The following TLR1 variants were observed in gnomAD, a reference collection of about 807,000 sequenced individuals.
TLR1 encodes the protein toll-like receptor 1.
TLR1 carries 19 observed loss-of-function variants against 20.2 expected under a neutral mutation model. That is an observed-to-expected ratio of 0.94 (90% CI 0.66 to 1.38). The LOEUF is 1.38. TLR1 is among the 40% of genes most tolerant of loss of function. TLR1 has a pLI of 0.00. For missense variants in TLR1, 921 were observed against 910.0 expected (o/e 1.01, Z -0.16); for synonymous variants, 320 against 334.5 (o/e 0.96, Z 0.47).
chr4:38,788,308 G>A (rs1725650428), downstream of TLR1, among the ~76,000 whole-genome samples: 1 of 152,130 alleles, frequency 6.6e-6, no homozygotes, highest in East Asian at 1.9e-4. Context: ...GCTAAACAAG[G>A]GAGCGGTAAA....
intron 3 of TLR1, among the ~76,000 whole-genome samples, chr4:38,799,926 G>C (rs1726516936): frequency 6.6e-6 from 1 of 152,150 alleles, no homozygotes; most frequent in African/African-American, 2.4e-5. Flanking sequence ...TTCTCAAGGA[G>C]TTTTTATCTA....
downstream of TLR1, among the ~76,000 whole-genome samples, chr4:38,792,830 C>G (rs1725788365): frequency 8.1e-6 from 1 of 123,232 alleles, no homozygotes; most frequent in South Asian, 2.6e-4. Context: ...ACTGACAGAT[C>G]AAAGAGCATG....
In TLR1 at chr4:38,798,014, A is replaced by T; in HGVS notation, c.818T>A (p.Val273Glu). 1 of 1,614,202 alleles carries T rather than the reference A, an allele frequency of 6.2e-7. No individual in the cohort carries two copies. The highest frequency in any genetic ancestry group is 8.5e-7 in the Non-Finnish European group (1 of 1,180,022). Residue 273 changes from valine (V) to glutamate (E), a missense_variant, in exon 4 of 4, where the codon GTA (valine) becomes GAA (glutamate). Coordinates refer to ENST00000308979, the MANE Select transcript of TLR1 (RefSeq NM_003263.4). The part of the protein sequence containing the change: ...RILQLVWHTT[V>E]WYFSISNVKL... Reference sequence around the variant, plus strand: ...CACGTTTGAAATTGAGAAATACCATACAGTTGTATGCCAAACCAGCTGGAG... The same window carrying T: ...CACGTTTGAAATTGAGAAATACCATTCAGTTGTATGCCAAACCAGCTGGAG...
chr4:38,804,518 A>G (rs1451024447), intron 1 of TLR1, 136 bp from the exon 2 acceptor site: 1 of 152,238 alleles, frequency 6.6e-6, no homozygotes, highest in Non-Finnish European at 1.5e-5. Flanking sequence ...AATATTTCCT[A>G]TAAGCAAATC....
Position 38,801,581 on chromosome 4 carries a change from G to T in TLR1, c.-159-633C>A, listed in dbSNP as rs5743590. 8.7e-3 allele frequency among the ~76,000 whole-genome samples: 1,320 copies of T among 152,264 alleles called. 16 individuals are homozygous for T. Among genetic ancestry groups the T allele is most frequent in the African/African-American group, 0.03 (1,240 of 41,524 alleles). On this transcript the variant is annotated intron_variant, in intron 2 of 3. Coordinates refer to ENST00000308979, the MANE Select transcript of TLR1 (RefSeq NM_003263.4). Reference sequence around the variant, plus strand: ...TTCCTATGCCTGAATCCAGATCAAGGCTCTTTCCACCTCCTAGCCAACTCC... The same window carrying T: ...TTCCTATGCCTGAATCCAGATCAAGTCTCTTTCCACCTCCTAGCCAACTCC...
At chr4:38,802,198 AAAAC>A (rs758588564) in intron 2 of TLR1, among the ~76,000 whole-genome samples, 6 of 152,284 alleles carry the variant, frequency 3.9e-5, no homozygotes, top group East Asian at 1.9e-4. Context: ...CTCTGTCTCA[AAAAC>A]AAACAAACAA....
Position 38,796,765 on chromosome 4 carries a change from C to T in TLR1, c.2067G>A (p.Lys689=). The part of the protein sequence containing the change: ...IVENIITCIE[K]SYKSIFVLSP... ...ACAAAACAAAGATGGACTTGTAACT[C>T]TTCTCAATGCAGGTGATGATATTTT... The change falls in exon 4 of 4, where the codon AAG becomes AAA. Residue 689 remains lysine, a synonymous_variant. Coordinates refer to ENST00000308979, the MANE Select transcript of TLR1 (RefSeq NM_003263.4). 2 of 1,614,178 alleles carry T rather than the reference C, an allele frequency of 1.2e-6. No homozygotes were observed. Among genetic ancestry groups the T allele is most frequent in the African/African-American group, 1.3e-5 (1 of 75,060 alleles).
chr4:38,797,068 G>A lies in TLR1; in HGVS notation c.1764C>T (p.Ala588=), dbSNP rs375868027. 1.6e-4 allele frequency: 254 copies of A among 1,614,090 alleles called. No individual in the cohort carries two copies. The highest frequency in any genetic ancestry group is 1.9e-4 in the Non-Finnish European group (222 of 1,180,048). Residue 588 remains alanine (A), a synonymous_variant, in exon 4 of 4, where the codon GCC becomes GCT. Coordinates refer to ENST00000308979, the MANE Select transcript of TLR1 (RefSeq NM_003263.4). Reference sequence around the variant, plus strand: ...CAGTCACAGCCAACACCAGCATGGTGGCAACGATGGTGACGATCAGCAGAG... The same window carrying A: ...CAGTCACAGCCAACACCAGCATGGTAGCAACGATGGTGACGATCAGCAGAG... ...NITLLIVTIV[A]TMLVLAVTVT...
rs200088165 is a variant in TLR1, at chr4:38,796,970, C to A, written c.1862G>T (p.Arg621Leu). 3 of 1,614,134 alleles carry A rather than the reference C, an allele frequency of 1.9e-6. No homozygotes were observed. Among genetic ancestry groups the A allele is most frequent in the Admixed American group, 1.7e-5 (1 of 60,010 alleles). ...TTCTAAGGGTATGTTCCTGGCCCTG[C>A]GCCGGGTCTGGGTCCACTGGCACAC... is the stretch of plus-strand genomic sequence containing the variant. ...RMVCQWTQTRRRARNIPLEEL... is the reference protein window; with the variant it reads ...RMVCQWTQTRLRARNIPLEEL... The change falls in exon 4 of 4, where the codon CGC becomes CTC. Residue 621 changes from arginine to leucine, a missense_variant. Transcript: ENST00000308979.
chr4:38,791,908 A>G (rs1296543259), downstream of TLR1, among the ~76,000 whole-genome samples: 1 of 152,198 alleles, frequency 6.6e-6, no homozygotes, highest in East Asian at 1.9e-4. Flanking sequence ...ACCCAAAGTC[A>G]CTAGAAGAAG....
downstream of TLR1, chr4:38,796,113 C>A: frequency 4.7e-6 from 1 of 213,876 alleles, no homozygotes; most frequent in Non-Finnish European, 9.5e-6. Context: ...TATACAAACC[C>A]AGCTATATTC....
rs777859029 is a variant in TLR1, at chr4:38,798,634, T to C, written c.198A>G (p.Leu66=). 3.1e-6 allele frequency: 5 copies of C among 1,613,810 alleles called. No individual in the cohort carries two copies. The highest frequency in any genetic ancestry group is 4.2e-6 in the Non-Finnish European group (5 of 1,179,758). Residue 66 remains leucine (L), a synonymous_variant, in exon 4 of 4, where the codon TTA becomes TTG. Coordinates refer to ENST00000308979, the MANE Select transcript of TLR1 (RefSeq NM_003263.4). The part of the protein sequence containing the change: ...YISELWTSDI[L]SLSKLRILII... ...TCAAAATCCTCAGTTTTGACAGTGA[T>C]AAGATGTCAGAAGTCCAAAGCTCAG...
At chr4:38,793,328 A>T (rs1579194437), downstream of TLR1, among the ~76,000 whole-genome samples, 2 of 152,332 alleles carry the variant, frequency 1.3e-5, no homozygotes, top group East Asian at 3.9e-4. Context: ...ACTATATTTT[A>T]CAAATAATGA....
downstream of TLR1, among the ~76,000 whole-genome samples, chr4:38,792,381 A>G (rs1725766004): frequency 6.6e-6 from 1 of 152,192 alleles, no homozygotes; most frequent in Admixed American, 6.5e-5. Flanking sequence ...ATTTTTTCAT[A>G]TTTCATCTAG....
In TLR1 at chr4:38,796,977, T is replaced by G. The variant is rs755759428; in HGVS notation, c.1855A>C (p.Thr619Pro). The change falls in exon 4 of 4, where the codon ACC (threonine) becomes CCC (proline). Residue 619 changes from threonine (T) to proline (P), a missense_variant. Coordinates refer to ENST00000308979, the MANE Select transcript of TLR1 (RefSeq NM_003263.4). ...GGTATGTTCCTGGCCCTGCGCCGGG[T>G]CTGGGTCCACTGGCACACCATCCTG... Reference protein sequence around the residue: ...YLRMVCQWTQTRRRARNIPLE... With the variant: ...YLRMVCQWTQPRRRARNIPLE... The G allele has an allele frequency of 6.2e-7, 1 of 1,614,168 alleles. No homozygotes were observed. Among genetic ancestry groups the G allele is most frequent in the Non-Finnish European group, 8.5e-7 (1 of 1,180,038 alleles).
chr4:38,793,592 C>T (rs966968381), downstream of TLR1, among the ~76,000 whole-genome samples: 1 of 152,152 alleles, frequency 6.6e-6, no homozygotes. Flanking sequence ...CGCCAGCATC[C>T]TTAAAACCAC....
exon 4 of TLR1, chr4:38,791,099 CA>C (rs2109335043): frequency 6.6e-6 from 1 of 152,322 alleles, no homozygotes; most frequent in East Asian, 1.9e-4. Flanking sequence ...AGTTCCAGAA[CA>C]GCCAAGGAGG....
chr4:38,792,854 TA>T (rs1334603829), downstream of TLR1, among the ~76,000 whole-genome samples: 1 of 94,576 alleles, frequency 1.1e-5, no homozygotes, highest in African/African-American at 8.5e-5. Context: ...ATTTTCAAAT[TA>T]TATATATATA....
At position 38,798,368 on chromosome 4, in the gene TLR1, C is replaced by G. The variant is rs1726326343; in HGVS notation, c.464G>C (p.Ser155Thr). The G allele has an allele frequency of 1.2e-6, 2 of 1,613,832 alleles. No individual in the cohort carries two copies. Among genetic ancestry groups the G allele is most frequent in the South Asian group, 2.2e-5 (2 of 91,072 alleles). The change falls in exon 4 of 4, where the codon AGT becomes ACT. Residue 155 changes from serine (S) to threonine (T), a missense_variant. Physicochemically the swap from Ser to Thr is moderately conservative, Grantham distance 58. Transcript: ENST00000308979. ...GLSTTHLEKS[S>T]VLPIAHLNIS... is the part of the protein sequence containing the mutation. The stretch of plus-strand genomic sequence containing the variant: ...ATTCAAATGAGCAATTGGCAGCACA[C>G]TAGATTTTTCTAAGTGTGTGGTGCT...
Sources: gnomAD v4.1 joint callset for allele counts (sites outside exome capture counted in the v4.1 genomes callset) on GRCh38, gnomAD v4.1.1 for gene constraint, MANE v1.5 for transcripts, NCBI Gene and HGNC (gene_info 2026-07-23, HGNC 2026-07-21) for gene names.